Variants in DACH1 observed in about 807,000 individuals in gnomAD.
DACH1 encodes the protein dachshund homolog 1.
A neutral mutation model predicts 54.2 loss-of-function variants in DACH1; 12 were observed. The ratio of observed to expected loss-of-function variants is 0.22; its 90% CI spans 0.14 to 0.36. The LOEUF (loss-of-function observed/expected upper bound fraction) is 0.36. DACH1 is among the 10% of genes least tolerant of loss of function. The probability of loss-of-function intolerance (pLI) is 1.00; values close to 1 mark genes in which losing one functional copy is unlikely to be tolerated. For missense variants in DACH1, 805 were observed against 929.8 expected (o/e 0.87, Z 1.75); for synonymous variants, 386 against 366.2 (o/e 1.05, Z -0.62).
chr13:71,527,846 AAC>A (rs762108497), intron 6 of DACH1, among the ~76,000 whole-genome samples: 1 of 152,096 alleles, frequency 6.6e-6, no homozygotes, highest in Admixed American at 6.6e-5. Flanking sequence ...AAACTAAACA[AAC>A]AACATGAAAC....
At chr13:71,819,396 G>A (rs1001056747) in intron 1 of DACH1, among the ~76,000 whole-genome samples, 1 of 152,222 alleles carries the variant, frequency 6.6e-6, no homozygotes, top group African/African-American at 2.4e-5. Context: ...AAGACGCAGT[G>A]TGGATCTGGA....
chr13:71,793,651 C>G (rs1331561572), intron 1 of DACH1, among the ~76,000 whole-genome samples: 2 of 152,118 alleles, frequency 1.3e-5, no homozygotes, highest in African/African-American at 4.8e-5. Context: ...CAAGCACAGC[C>G]TCTCGAGTAG....
chr13:71,849,418 C>T (rs987808672), intron 1 of DACH1, among the ~76,000 whole-genome samples: 7 of 152,164 alleles, frequency 4.6e-5, no homozygotes, highest in Admixed American at 1.3e-4. Flanking sequence ...GCCTGTGGAT[C>T]GACTGGTCTT....
At chr13:71,694,657 A>C (rs1208861591) in intron 1 of DACH1, among the ~76,000 whole-genome samples, 1 of 152,166 alleles carries the variant, frequency 6.6e-6, no homozygotes, top group Non-Finnish European at 1.5e-5. Flanking sequence ...TTGAATAGAC[A>C]CTGTTTTACC....
chr13:71,664,018 A>T (rs565104445), intron 2 of DACH1, among the ~76,000 whole-genome samples: 1 of 152,124 alleles, frequency 6.6e-6, no homozygotes, highest in African/African-American at 2.4e-5. Context: ...TGTAAAAAAA[A>T]TCTCCAGTGT....
chr13:71,839,473 G>A (rs971323577), intron 1 of DACH1, among the ~76,000 whole-genome samples: 1 of 152,090 alleles, frequency 6.6e-6, no homozygotes, highest in African/African-American at 2.4e-5. Context: ...CAGGTGTGGT[G>A]GCGGGCGCCT....
At chr13:71,839,987 C>T (rs916647693) in intron 1 of DACH1, among the ~76,000 whole-genome samples, 1 of 152,158 alleles carries the variant, frequency 6.6e-6, no homozygotes, top group Non-Finnish European at 1.5e-5. Flanking sequence ...CACTCTGTCA[C>T]CCAGACTGGA....
intron 4 of DACH1, among the ~76,000 whole-genome samples, chr13:71,567,389 C>T (rs1884954759): frequency 6.6e-6 from 1 of 151,690 alleles, no homozygotes; most frequent in Non-Finnish European, 1.5e-5. Flanking sequence ...CCCAAAAGTC[C>T]TGATTAAAAT....
intron 6 of DACH1, among the ~76,000 whole-genome samples, chr13:71,529,183 G>GTTTTTTTTTTTTTTTTTTTTTTTTT (rs10707603): frequency 1.2e-5 from 1 of 80,980 alleles, no homozygotes; most frequent in African/African-American, 4.4e-5. Context: ...TGTGATTTGG[G>GTTTTTTTTTTTTTTTTTTTTTTTTT]TTTTTTTTTT....
chr13:71,801,971 T>A (rs984214497), intron 1 of DACH1, among the ~76,000 whole-genome samples: 3 of 152,132 alleles, frequency 2.0e-5, no homozygotes. Flanking sequence ...GAGCGCACCC[T>A]GTCCATCTGT....
intron 1 of DACH1, among the ~76,000 whole-genome samples, chr13:71,784,070 AG>A (rs1319493574): frequency 6.6e-6 from 1 of 151,926 alleles, no homozygotes; most frequent in African/African-American, 2.4e-5. Flanking sequence ...TATGAAATAG[AG>A]AGAGTACAGT....
intron 3 of DACH1, among the ~76,000 whole-genome samples, chr13:71,601,728 T>G (rs140032927): frequency 9.3e-4 from 141 of 152,150 alleles, no homozygotes; most frequent in Non-Finnish European, 1.7e-3. Context: ...TTTTACAGTT[T>G]GTAGTCTAAA....
rs538219040 is a variant in DACH1 at position 71,809,563 on chromosome 13, T to C, written c.848+56359A>G. The stretch of plus-strand genomic sequence containing the variant: ...ATAAGTAAAACTTAAGCAAAAACTC[T>C]ACCCAACATATAAGGAATATTTTTT... On this transcript the variant is annotated intron_variant, in intron 1 of 10. Transcript: ENST00000613252. 2.6e-5 allele frequency among the ~76,000 whole-genome samples: 4 copies of C among 152,320 alleles called. No homozygotes were observed. In the South Asian group the frequency reaches 8.3e-4, roughly 32 times the overall value.
At chr13:71,597,882 T>TGA (rs1350036648) in intron 3 of DACH1, among the ~76,000 whole-genome samples, 1 of 152,032 alleles carries the variant, frequency 6.6e-6, no homozygotes, top group Non-Finnish European at 1.5e-5. Flanking sequence ...TCTGGAAGGC[T>TGA]GAGGTGGGCA....
At chr13:71,481,312 T>G (rs1878010447) in intron 7 of DACH1, among the ~76,000 whole-genome samples, 1 of 152,234 alleles carries the variant, frequency 6.6e-6, no homozygotes, top group Non-Finnish European at 1.5e-5. Flanking sequence ...ATTAAACTAT[T>G]ATTGTCCTTG....
At chr13:71,809,372 T>C (rs533005047) in intron 1 of DACH1, among the ~76,000 whole-genome samples, 3 of 152,198 alleles carry the variant, frequency 2.0e-5, no homozygotes, top group South Asian at 4.1e-4. Context: ...AGTCTCATCA[T>C]GTTGCCCAGG....
intron 4 of DACH1, 56 bp from the exon 5 acceptor site, chr13:71,560,011 T>C: frequency 7.0e-7 from 1 of 1,424,720 alleles, no homozygotes; most frequent in Non-Finnish European, 9.2e-7. Flanking sequence ...CAACGGATCT[T>C]TACTTAATGA....
chr13:71,651,662 C>A (rs143718155), intron 2 of DACH1, among the ~76,000 whole-genome samples: 1 of 103,714 alleles, frequency 9.6e-6, no homozygotes, highest in African/African-American at 3.9e-5. Flanking sequence ...GTATATGTAT[C>A]TGTATCTGTA....
In DACH1 at chr13:71,532,073, T is replaced by A. The variant is rs565936885; in HGVS notation, c.1570+24951A>T. The stretch of plus-strand genomic sequence containing the variant: ...ATTTGGAAAGCAGAATATAAGCTAA[T>A]GATATTAGTGAACTACTTTTTCTAA... On this transcript the variant is annotated intron_variant, in intron 6 of 10. Transcript: ENST00000613252. Among the ~76,000 whole-genome samples, 7 of 151,950 alleles carry A rather than the reference T, an allele frequency of 4.6e-5. No homozygotes were observed. In the South Asian group the frequency reaches 1.4e-3, roughly 31 times the overall value.
Sources: gnomAD v4.1 joint callset for allele counts (sites outside exome capture counted in the v4.1 genomes callset) on GRCh38, gnomAD v4.1.1 for gene constraint, MANE v1.5 for transcripts, NCBI Gene and HGNC (gene_info 2026-07-23, HGNC 2026-07-21) for gene names.